The following NF1 variants were observed in gnomAD, a reference collection of about 807,000 sequenced individuals.
The protein encoded by NF1 is neurofibromin.
In NF1, 122 loss-of-function variants were observed where a neutral mutation model predicts 325.7. The ratio of observed to expected loss-of-function variants is 0.37; its 90% CI spans 0.32 to 0.44. NF1 has a LOEUF of 0.44. Among genes scored for constraint, NF1 ranks in the 20% least tolerant of loss-of-function variants. NF1 has a pLI of 1.00. For missense variants in NF1, 2,140 were observed against 3,415.4 expected, an observed-to-expected ratio of 0.63 and a Z score of 9.31; for synonymous variants, 1,091 against 1,186.0, an observed-to-expected ratio of 0.92 and a Z score of 1.65.
At chr17:31,226,084 A>G (rs1382933502) in intron 17 of NF1, among the ~76,000 whole-genome samples, 2 of 152,016 alleles carry the variant, frequency 1.3e-5, no homozygotes, top group Admixed American at 1.3e-4. Context: ...TGGGAGGTAC[A>G]TTATATTGTT....
intron 46 of NF1, 101 bp downstream of exon 46, chr17:31,338,906 T>A: frequency 1.2e-6 from 1 of 824,738 alleles, no homozygotes; most frequent in Admixed American, 2.0e-5. Context: ...TGAGAATAAG[T>A]TATAAAGAAA....
At position 31,226,611 on chromosome 17, in the gene NF1, G is replaced by C. The variant is rs369590240; in HGVS notation, c.2178G>C (p.Val726=). 205 of 1,613,774 alleles carry C rather than the reference G, an allele frequency of 1.3e-4. No individual in the cohort carries two copies. The highest frequency in any genetic ancestry group is 8.3e-5 in the Admixed American group (5 of 59,994). Reference sequence around the variant, plus strand: ...ATATCCGGTGTGGGGTGGATGAAGTGTCAGTGCATAACCTCTTGCCCAACT... The same window carrying C: ...ATATCCGGTGTGGGGTGGATGAAGTCTCAGTGCATAACCTCTTGCCCAACT... ...EADIRCGVDE[V]SVHNLLPNYN... Residue 726 remains valine, a synonymous_variant, in exon 18 of 58, where the codon GTG becomes GTC. Transcript: ENST00000358273.
At chr17:31,284,262 T>C (rs1356601262) in intron 36 of NF1, among the ~76,000 whole-genome samples, 1 of 151,634 alleles carries the variant, frequency 6.6e-6, no homozygotes, top group Non-Finnish European at 1.5e-5. Context: ...CCATCATACC[T>C]GGCTAATTTT....
intron 31 of NF1, 109 bp downstream of exon 31, chr17:31,253,109 A>T: frequency 1.2e-6 from 1 of 820,422 alleles, no homozygotes. Flanking sequence ...TCACTGTAAA[A>T]TCATTCTACT....
At position 31,352,304 on chromosome 17, in the gene NF1, G is replaced by T; in HGVS notation, c.7505G>T (p.Gly2502Val). 6.2e-7 allele frequency: 1 copy of T among 1,614,074 alleles called. No homozygotes were observed. The highest frequency in any genetic ancestry group is 8.5e-7 in the Non-Finnish European group (1 of 1,180,008). ...QPWSSPKGSE[G>V]YLAATYPTVG... is the part of the protein sequence containing the mutation. ...TGGTCCTCTCCCAAAGGTTCTGAAGGATACCTTGCAGCCACCTATCCAACT... is the reference window on the plus strand; with the variant it reads ...TGGTCCTCTCCCAAAGGTTCTGAAGTATACCTTGCAGCCACCTATCCAACT... Residue 2502 changes from glycine (G) to valine (V), a missense_variant, in exon 51 of 58, where the codon GGA (glycine) becomes GTA (valine). By Grantham distance (109) the Gly-to-Val change is moderately radical. Transcript: ENST00000358273.
chr17:31,097,479 A>G (rs959904904), intron 1 of NF1, among the ~76,000 whole-genome samples: 7 of 151,220 alleles, frequency 4.6e-5, no homozygotes, highest in Non-Finnish European at 8.9e-5. Flanking sequence ...AAAAAAAAAA[A>G]AGGAGGAATG....
At chr17:31,252,236 A>C in intron 30 of NF1, 1 of 209,926 alleles carries the variant, frequency 4.8e-6, no homozygotes, top group Non-Finnish European at 9.7e-6. Context: ...CTTCACTTTA[A>C]TAATATTAAT....
intron 1 of NF1, among the ~76,000 whole-genome samples, chr17:31,123,328 G>T (rs1000769159): frequency 2.6e-5 from 4 of 152,084 alleles, no homozygotes; most frequent in Non-Finnish European, 1.5e-5. Context: ...TTATATATAT[G>T]GTTAAATGTG....
At chr17:31,275,138 A>G (rs924670473) in intron 36 of NF1, among the ~76,000 whole-genome samples, 1 of 152,186 alleles carries the variant, frequency 6.6e-6, no homozygotes, top group Non-Finnish European at 1.5e-5. Context: ...TCAAATACCC[A>G]CCAACTTTGT....
chr17:31,371,966 C>T (rs1029158908), intron 57 of NF1, among the ~76,000 whole-genome samples: 3 of 152,166 alleles, frequency 2.0e-5, no homozygotes, highest in African/African-American at 7.2e-5. Context: ...ATGAGTGGCT[C>T]CTAGAGGGAG....
At chr17:31,320,636 CTA>C (rs919579817) in intron 36 of NF1, 45 of 449,442 alleles carry the variant, frequency 1.0e-4, no homozygotes, top group African/African-American at 8.0e-4. Context: ...GGAGGAAAAA[CTA>C]TTAAATATTC....
chr17:31,116,584 C>A lies in NF1; in HGVS notation c.60+21215C>A, dbSNP rs960310856. Among the ~76,000 whole-genome samples, 4 of 152,056 alleles carry A rather than the reference C, an allele frequency of 2.6e-5. No homozygotes were observed. In the East Asian group the frequency reaches 7.7e-4, roughly 29 times the overall value. ...CAAGGCCCTATCAAAACATCATGAC[C>A]ACATCTTTGAAATAGTTACTTTTAT... is the stretch of plus-strand genomic sequence containing the variant. On this transcript the variant is annotated intron_variant, in intron 1 of 57. Coordinates refer to ENST00000358273, the MANE Select transcript of NF1 (RefSeq NM_001042492.3).
In NF1 at chr17:31,117,356, C is replaced by T. The variant is rs1597579240; in HGVS notation, c.60+21987C>T. On this transcript the variant is annotated intron_variant, in intron 1 of 57. Transcript: ENST00000358273. The stretch of plus-strand genomic sequence containing the variant: ...AAGACAAGCATTTTTCCTTTTTTCA[C>T]TGTTACATTCTTTCTGTTTAGAATA... Among the ~76,000 whole-genome samples, 6 of 151,692 alleles carry T rather than the reference C, an allele frequency of 4.0e-5. 1 individual carries two copies. Among genetic ancestry groups the T allele is most frequent in the Admixed American group, 3.9e-4 (6 of 15,232 alleles).
intron 29 of NF1, among the ~76,000 whole-genome samples, chr17:31,243,213 T>TGTG (rs57229549): frequency 2.0e-5 from 3 of 150,860 alleles, no homozygotes; most frequent in African/African-American, 4.9e-5. Context: ...TGTGTGTGTG[T>TGTG]TGAGCTGCCT....
At chr17:31,223,674 T>G in intron 16 of NF1, 107 bp downstream of exon 16, 1 of 1,051,256 alleles carries the variant, frequency 9.5e-7, no homozygotes, top group Non-Finnish European at 1.4e-6. Context: ...CAGCTTCTCC[T>G]TCCTCCCAAT....
chr17:31,224,043 C>G (rs1415737329), intron 16 of NF1, among the ~76,000 whole-genome samples: 1 of 151,988 alleles, frequency 6.6e-6, no homozygotes, highest in Non-Finnish European at 1.5e-5. Flanking sequence ...ATCGTAAAGA[C>G]CTAGATCTCA....
At chr17:31,349,393 A>G in intron 49 of NF1, 142 bp downstream of exon 49, 1 of 786,892 alleles carries the variant, frequency 1.3e-6, no homozygotes, top group Non-Finnish European at 2.0e-6. Context: ...GGTGGTTACA[A>G]TTTTGAGAGT....
intron 36 of NF1, among the ~76,000 whole-genome samples, chr17:31,300,535 T>A (rs1232878695): frequency 1.3e-5 from 2 of 152,122 alleles, no homozygotes; most frequent in East Asian, 3.8e-4. Context: ...TACCATGGCT[T>A]ATTCAACCAG....
intron 36 of NF1, among the ~76,000 whole-genome samples, chr17:31,306,675 A>C (rs1006363937): frequency 1.3e-5 from 2 of 152,084 alleles, no homozygotes; most frequent in Admixed American, 1.3e-4. Flanking sequence ...AAAATCCTAG[A>C]GTGATCTCTG....
Sources: gnomAD v4.1 joint callset for allele counts (sites outside exome capture counted in the v4.1 genomes callset) on GRCh38, gnomAD v4.1.1 for gene constraint, MANE v1.5 for transcripts, NCBI Gene and HGNC (gene_info 2026-07-23, HGNC 2026-07-21) for gene names.